CTNND2: variants seen among roughly 807,000 people sequenced by gnomAD.
CTNND2 encodes catenin delta-2.
In CTNND2, 22 loss-of-function variants were observed where a neutral mutation model predicts 144.4. The ratio of observed to expected loss-of-function variants is 0.15; its 90% CI spans 0.11 to 0.22. The LOEUF (loss-of-function observed/expected upper bound fraction) is 0.22, where lower values mean the gene tolerates loss of function less well. Among genes scored for constraint, CTNND2 ranks in the 10% least tolerant of loss-of-function variants. The pLI, the probability that CTNND2 is intolerant of heterozygous loss-of-function variation, is 1.00. For synonymous variants in CTNND2, 751 were observed against 695.6 expected (o/e 1.08, Z -1.25); for missense variants, 1,353 against 1,618.8 (o/e 0.84, Z 2.82).
In CTNND2 at chr5:11,364,703, C is replaced by A; in HGVS notation, c.1365G>T (p.Thr455=). Residue 455 remains threonine, a synonymous_variant, in exon 8 of 22, where the codon ACG becomes ACT. Coordinates refer to ENST00000304623, the MANE Select transcript of CTNND2 (RefSeq NM_001332.4). ...LPPAHTGTYR[T]STAPSSPGVD... The stretch of plus-strand genomic sequence containing the variant: ...GGGGTCCTGATTACACACCTGTGCT[C>A]GTGCGGTAGGTGCCGGTGTGTGCTG... The A allele has an allele frequency of 6.2e-7, 1 of 1,611,792 alleles. No homozygotes were observed. Among genetic ancestry groups the A allele is most frequent in the Non-Finnish European group, 8.5e-7 (1 of 1,179,490 alleles).
At chr5:11,318,134 ATTCT>A (rs962078067) in intron 9 of CTNND2, among the ~76,000 whole-genome samples, 5 of 152,108 alleles carry the variant, frequency 3.3e-5, no homozygotes, top group Non-Finnish European at 5.9e-5. Flanking sequence ...AGGAATCTGA[ATTCT>A]TTCTTTATGA....
chr5:11,017,791 A>G (rs1446009602), intron 18 of CTNND2, among the ~76,000 whole-genome samples, 183 bp downstream of exon 18: 2 of 152,018 alleles, frequency 1.3e-5, no homozygotes, highest in Non-Finnish European at 2.9e-5. Flanking sequence ...CAGTCCAGAA[A>G]GTTCATGGAT....
At chr5:11,867,789 T>C (rs1795843086) in intron 1 of CTNND2, among the ~76,000 whole-genome samples, 1 of 151,944 alleles carries the variant, frequency 6.6e-6, no homozygotes, top group South Asian at 2.1e-4. Flanking sequence ...CTGTAATCAA[T>C]ACACCTAGTA....
chr5:11,462,316 C>G (rs1424664828), intron 3 of CTNND2, among the ~76,000 whole-genome samples: 1 of 152,180 alleles, frequency 6.6e-6, no homozygotes, highest in Non-Finnish European at 1.5e-5. Flanking sequence ...GAGCTGCCCT[C>G]TCTCCTATAG....
chr5:11,101,790 T>C (rs2973507), intron 14 of CTNND2, among the ~76,000 whole-genome samples: 49,871 of 151,890 alleles, frequency 0.33, 8,308 homozygotes, highest in African/African-American at 0.36. Flanking sequence ...ATTTTCTATA[T>C]AATAAAGAGC....
intron 2 of CTNND2, among the ~76,000 whole-genome samples, chr5:11,589,319 A>G (rs879287848): frequency 1.8e-3 from 266 of 150,504 alleles, no homozygotes; most frequent in African/African-American, 6.1e-3. Flanking sequence ...ACACGACAAC[A>G]ACAACAACAA....
chr5:11,344,201 G>A (rs990245011), intron 9 of CTNND2, among the ~76,000 whole-genome samples: 2 of 151,968 alleles, frequency 1.3e-5, no homozygotes, highest in African/African-American at 2.4e-5. Context: ...TCAGGAGATC[G>A]AGACCACGGT....
At chr5:11,611,264 TGA>T (rs1780309428) in intron 2 of CTNND2, among the ~76,000 whole-genome samples, 1 of 152,200 alleles carries the variant, frequency 6.6e-6, no homozygotes, top group African/African-American at 2.4e-5. Context: ...AGCTGAAGTG[TGA>T]GTCAATTAAC....
chr5:11,444,635 G>C (rs570715123), intron 3 of CTNND2, among the ~76,000 whole-genome samples: 3 of 152,302 alleles, frequency 2.0e-5, no homozygotes, highest in African/African-American at 7.2e-5. Context: ...CCAGGAGGCA[G>C]AGGTTGCAGT....
At chr5:11,334,883 T>C (rs1331615810) in intron 9 of CTNND2, among the ~76,000 whole-genome samples, 1 of 152,204 alleles carries the variant, frequency 6.6e-6, no homozygotes, top group Non-Finnish European at 1.5e-5. Context: ...AAAGCATATA[T>C]TGAAGTGTCC....
At chr5:11,278,363 G>C (rs905715784) in intron 9 of CTNND2, among the ~76,000 whole-genome samples, 3 of 152,088 alleles carry the variant, frequency 2.0e-5, no homozygotes, top group African/African-American at 7.2e-5. Flanking sequence ...AATATTCATG[G>C]AGCACCTCTT....
intron 16 of CTNND2, among the ~76,000 whole-genome samples, chr5:11,056,501 G>C (rs1283970572): frequency 6.6e-6 from 1 of 152,088 alleles, no homozygotes; most frequent in Non-Finnish European, 1.5e-5. Flanking sequence ...ATAATTTCTA[G>C]AAACAGGGGT....
intron 1 of CTNND2, among the ~76,000 whole-genome samples, chr5:11,823,636 G>A (rs957942461): frequency 2.0e-5 from 3 of 151,972 alleles, no homozygotes; most frequent in African/African-American, 7.3e-5. Flanking sequence ...TATTTTATAA[G>A]GCAATGTTCT....
At chr5:11,528,401 C>T (rs539577598) in intron 3 of CTNND2, among the ~76,000 whole-genome samples, 10 of 152,094 alleles carry the variant, frequency 6.6e-5, no homozygotes, top group African/African-American at 2.2e-4. Flanking sequence ...AGTTCTTATT[C>T]CCAGTAGTTC....
intron 18 of CTNND2, among the ~76,000 whole-genome samples, chr5:11,005,048 G>A (rs1456049077): frequency 6.6e-6 from 1 of 152,200 alleles, no homozygotes; most frequent in Admixed American, 6.5e-5. Flanking sequence ...AGGTTATTGG[G>A]AAGGACTGCT....
At chr5:11,068,773 C>T (rs1962797) in intron 16 of CTNND2, among the ~76,000 whole-genome samples, 39,794 of 152,008 alleles carry the variant, frequency 0.26, 9,479 homozygotes, top group East Asian at 0.63. Context: ...ACAAATTATC[C>T]GGGCGTGGTG....
At chr5:11,381,361 A>G (rs1758461533) in intron 7 of CTNND2, among the ~76,000 whole-genome samples, 1 of 152,134 alleles carries the variant, frequency 6.6e-6, no homozygotes, top group Admixed American at 6.6e-5. Context: ...GGGTTTAGCA[A>G]AGGCAGCATC....
At chr5:11,677,037 T>C (rs1310802070) in intron 2 of CTNND2, among the ~76,000 whole-genome samples, 2 of 152,260 alleles carry the variant, frequency 1.3e-5, no homozygotes, top group African/African-American at 2.4e-5. Context: ...GCTTAACTGA[T>C]TGTATGCTTA....
chr5:11,828,129 G>A, intron 1 of CTNND2, among the ~76,000 whole-genome samples: 1 of 152,180 alleles, frequency 6.6e-6, no homozygotes, highest in Non-Finnish European at 1.5e-5. Context: ...ATTCCCATAT[G>A]TTGTGGGAGG....
Sources: gnomAD v4.1 joint callset for allele counts (sites outside exome capture counted in the v4.1 genomes callset) on GRCh38, gnomAD v4.1.1 for gene constraint, MANE v1.5 for transcripts, NCBI Gene and HGNC (gene_info 2026-07-23, HGNC 2026-07-21) for gene names.